The following KLHDC1 variants were observed in gnomAD, a reference collection of about 807,000 sequenced individuals.
The protein encoded by KLHDC1 is kelch domain-containing protein 1.
A neutral mutation model predicts 68.3 loss-of-function variants in KLHDC1; 53 were observed. That is an observed-to-expected ratio of 0.78 (90% CI 0.62 to 0.98). The LOEUF (loss-of-function observed/expected upper bound fraction) is 0.98, where lower values mean the gene tolerates loss of function less well. Ranked by LOEUF, KLHDC1 falls within the 50% of genes least tolerant of loss-of-function variation. The probability of loss-of-function intolerance (pLI) is 0.00; values close to 1 mark genes in which losing one functional copy is unlikely to be tolerated. For missense variants in KLHDC1, 470 were observed against 492.3 expected (o/e 0.95, Z 0.43); for synonymous variants, 148 against 159.0 (o/e 0.93, Z 0.52).
chr14:49,746,043 A>G (rs1046908624), intron 12 of KLHDC1, among the ~76,000 whole-genome samples: 22 of 152,210 alleles, frequency 1.4e-4, no homozygotes, highest in African/African-American at 5.1e-4. Context: ...GAAAGTATCA[A>G]TGGGGCTGGA....
chr14:49,744,400 A>G (rs1006960113), intron 12 of KLHDC1, among the ~76,000 whole-genome samples: 6 of 152,236 alleles, frequency 3.9e-5, no homozygotes, highest in African/African-American at 1.4e-4. Flanking sequence ...TAAACATACT[A>G]TATTTCCTTA....
chr14:49,729,426 A>G (rs1300806911), intron 7 of KLHDC1, 64 bp from the exon 8 acceptor site: 5 of 1,091,424 alleles, frequency 4.6e-6, no homozygotes, highest in Admixed American at 3.5e-5. Context: ...ACTTACTTTA[A>G]AAGAAAAATT....
At chr14:49,717,717 GA>G (rs1041233448) in intron 4 of KLHDC1, among the ~76,000 whole-genome samples, 65 of 151,438 alleles carry the variant, frequency 4.3e-4, no homozygotes, top group Admixed American at 3.3e-3. Context: ...TTTTTTTTTG[GA>G]AGAGTTTGAG....
intron 8 of KLHDC1, among the ~76,000 whole-genome samples, chr14:49,731,805 A>G (rs2139759095): frequency 6.6e-6 from 1 of 152,270 alleles, no homozygotes; most frequent in South Asian, 2.1e-4. Context: ...TTGGCGTCCC[A>G]AAGTGCTGGG....
At position 49,747,007 on chromosome 14, in the gene KLHDC1, C is replaced by CGGT. The variant is rs1889214546; in HGVS notation, c.1034+3203_1034+3204insGTG. Among the ~76,000 whole-genome samples the CGGT allele has an allele frequency of 2.7e-5, 4 of 148,938 alleles. No individual in the cohort carries two copies. In the South Asian group the frequency reaches 8.5e-4, roughly 32 times the overall value. On this transcript the variant is annotated intron_variant, in intron 12 of 12. Coordinates refer to ENST00000359332, the MANE Select transcript of KLHDC1 (RefSeq NM_172193.3). ...TTCTCACCCAGGCTGGAGTGCAGTA[C>CGGT]GCGATCTCAGCTCACTGCAAGCTCC...
intron 1 of KLHDC1, chr14:49,708,412 T>C (rs533044903): frequency 6.6e-6 from 1 of 152,374 alleles, no homozygotes; most frequent in Non-Finnish European, 1.5e-5. Flanking sequence ...TTTTGAACTA[T>C]TATATAGATT....
chr14:49,747,476 G>A (rs552869012), intron 12 of KLHDC1, among the ~76,000 whole-genome samples: 2 of 152,296 alleles, frequency 1.3e-5, no homozygotes, highest in East Asian at 3.9e-4. Flanking sequence ...GTAGAGCAGT[G>A]TCTTGAGAAG....
intron 1 of KLHDC1, among the ~76,000 whole-genome samples, chr14:49,708,117 C>T (rs1888107866): frequency 1.4e-5 from 2 of 141,750 alleles, no homozygotes; most frequent in African/African-American, 5.3e-5. Flanking sequence ...TTTGCCCAGG[C>T]TGGAGTGCAG....
intron 1 of KLHDC1, among the ~76,000 whole-genome samples, chr14:49,706,713 T>G (rs1256218785): frequency 6.6e-6 from 1 of 152,210 alleles, no homozygotes; most frequent in Non-Finnish European, 1.5e-5. Flanking sequence ...AGTTTTGATT[T>G]GCACTTATTT....
At chr14:49,744,610 G>A (rs1030516271) in intron 12 of KLHDC1, among the ~76,000 whole-genome samples, 1 of 151,848 alleles carries the variant, frequency 6.6e-6, no homozygotes, top group Non-Finnish European at 1.5e-5. Flanking sequence ...ATAAACCTAT[G>A]CCTATCCTAC....
At chr14:49,693,703 A>G (rs775347183) in intron 1 of KLHDC1, among the ~76,000 whole-genome samples, 76 of 149,352 alleles carry the variant, frequency 5.1e-4, no homozygotes, top group Non-Finnish European at 9.4e-4. Flanking sequence ...GAAATAAAAT[A>G]TCGAAATCAC....
chr14:49,727,973 T>A (rs2139755865), intron 6 of KLHDC1, among the ~76,000 whole-genome samples: 1 of 152,292 alleles, frequency 6.6e-6, no homozygotes, highest in East Asian at 1.9e-4. Context: ...CAGAAGATTT[T>A]TCCCTCAAAC....
chr14:49,699,702 C>G (rs1887846374), intron 1 of KLHDC1, among the ~76,000 whole-genome samples: 1 of 152,186 alleles, frequency 6.6e-6, no homozygotes, highest in Non-Finnish European at 1.5e-5. Flanking sequence ...CATTGTCAAA[C>G]ATATTCTGAA....
At chr14:49,708,323 C>G (rs887595574) in intron 1 of KLHDC1, 1 of 152,148 alleles carries the variant, frequency 6.6e-6, no homozygotes, top group African/African-American at 2.4e-5. Context: ...ATCCACCTGC[C>G]TCAGCCTCCC....
chr14:49,751,788 A>G lies in KLHDC1; in HGVS notation c.*16A>G. The G allele has an allele frequency of 7.4e-7, 1 of 1,355,214 alleles. No individual in the cohort carries two copies. Among genetic ancestry groups the G allele is most frequent in the East Asian group, 2.4e-5 (1 of 40,908 alleles). 83.9% of individuals were successfully genotyped at this position (1,355,214 alleles called of 1,614,324 possible). The stretch of plus-strand genomic sequence containing the variant: ...TAGCAATTAAATTGTTATATACTTT[A>G]CATATTTAGTATGTTTTAACTTTTT... On this transcript the variant is annotated 3_prime_UTR_variant, in exon 13 of 13. Transcript: ENST00000359332.
chr14:49,695,240 A>G (rs1594642200), intron 1 of KLHDC1, among the ~76,000 whole-genome samples: 1 of 151,932 alleles, frequency 6.6e-6, no homozygotes. Flanking sequence ...ACAGGTGTGC[A>G]CCACCATGCC....
intron 10 of KLHDC1, among the ~76,000 whole-genome samples, chr14:49,735,533 C>A (rs533624408): frequency 5.9e-4 from 89 of 151,680 alleles, no homozygotes; most frequent in African/African-American, 2.0e-3. Flanking sequence ...TTCATAATTG[C>A]ATTTGTGATT....
chr14:49,752,516 C>T lies in KLHDC1; in HGVS notation c.*744C>T, dbSNP rs960326755. On this transcript the variant is annotated 3_prime_UTR_variant, in exon 13 of 13. Transcript: ENST00000359332. ...CATTAAGAAGCAGTATTTTTATTAA[C>T]TTTTTGAGACATATTAAAATACATT... 2 of 152,396 alleles carry T rather than the reference C, an allele frequency of 1.3e-5. No individual in the cohort carries two copies. The highest frequency in any genetic ancestry group is 2.9e-5 in the Non-Finnish European group (2 of 67,910). The allele number at this position is 152,396 out of a possible 1,614,324, so 9.4% of individuals were successfully genotyped here.
Position 49,693,167 on chromosome 14 carries a change from G to C in KLHDC1, c.-28G>C, listed in dbSNP as rs747356044. 349 of 1,566,556 alleles carry C rather than the reference G, an allele frequency of 2.2e-4. No individual in the cohort carries two copies. Among genetic ancestry groups the C allele is most frequent in the Non-Finnish European group, 2.9e-4 (338 of 1,157,890 alleles). ...GCCGGGCGGGCAGGGGTTGTGGCGC[G>C]GCAAGCGGCGGGCCAGCGACGGCGC... On this transcript the variant is annotated 5_prime_UTR_variant, in exon 1 of 13. Coordinates refer to ENST00000359332, the MANE Select transcript of KLHDC1 (RefSeq NM_172193.3).
Sources: allele counts gnomAD v4.1 joint callset (sites outside exome capture counted in the v4.1 genomes callset), GRCh38; gene constraint gnomAD v4.1.1; transcripts MANE v1.5; gene names NCBI Gene and HGNC (gene_info 2026-07-23, HGNC 2026-07-21).